The following PHF20 variants were observed in gnomAD, a reference collection of about 807,000 sequenced individuals.
The protein encoded by PHF20 is PHD finger protein 20.
In PHF20, 23 loss-of-function variants were observed where a neutral mutation model predicts 113.5. The ratio of observed to expected loss-of-function variants is 0.20; its 90% confidence interval spans 0.15 to 0.29. The LOEUF (loss-of-function observed/expected upper bound fraction) is 0.29, where lower values mean the gene tolerates loss of function less well. Among genes scored for constraint, PHF20 ranks in the 10% least tolerant of loss-of-function variants. The pLI is 1.00. For missense variants in PHF20, 943 were observed against 1,219.6 expected (o/e 0.77, Z 3.38); for synonymous variants, 434 against 457.3 (o/e 0.95, Z 0.65).
intron 2 of PHF20, among the ~76,000 whole-genome samples, chr20:35,822,824 T>A (rs1296597034): frequency 1.6e-5 from 2 of 122,536 alleles, no homozygotes; most frequent in Admixed American, 1.1e-4. Context: ...GGTCACAGGG[T>A]CACAGAGCAA....
chr20:35,865,165 C>T (rs780695248), intron 6 of PHF20, among the ~76,000 whole-genome samples: 7 of 152,018 alleles, frequency 4.6e-5, no homozygotes, highest in Non-Finnish European at 1.0e-4. Flanking sequence ...TGCATTCCAG[C>T]TTGGGCGACA....
intron 9 of PHF20, 66 bp downstream of exon 9, chr20:35,871,895 A>C: frequency 8.8e-7 from 1 of 1,142,378 alleles, no homozygotes; most frequent in Non-Finnish European, 1.2e-6. Flanking sequence ...TGTGAACTAA[A>C]AAAAAAAAAA....
chr20:35,944,654 C>T (rs1044066109), intron 17 of PHF20, among the ~76,000 whole-genome samples: 2 of 152,144 alleles, frequency 1.3e-5, no homozygotes, highest in African/African-American at 4.8e-5. Flanking sequence ...TTACTGAAGC[C>T]TCTGCCTCCC....
rs542614210 is a variant in PHF20 at position 35,792,400 on chromosome 20, G to A, written c.-32-9091G>A. 9.2e-5 allele frequency among the ~76,000 whole-genome samples: 14 copies of A among 151,930 alleles called. No homozygotes were observed. The East Asian group carries it at 2.7e-3, about 29-fold the overall frequency. ...GACGGGGTTTCACCATGTTGGCCAGGCTGGTCTCAAACTACTGAACTCTGG... is the reference window on the plus strand; with the variant it reads ...GACGGGGTTTCACCATGTTGGCCAGACTGGTCTCAAACTACTGAACTCTGG... On this transcript the variant is annotated intron_variant, in intron 1 of 17. Coordinates refer to ENST00000374012, the MANE Select transcript of PHF20 (RefSeq NM_016436.5).
chr20:35,891,358 CAG>C (rs1026760825), intron 9 of PHF20, among the ~76,000 whole-genome samples: 3 of 133,968 alleles, frequency 2.2e-5, no homozygotes, highest in African/African-American at 8.7e-5. Context: ...GCCTGGGCGA[CAG>C]AGAGAGACTC....
intron 4 of PHF20, among the ~76,000 whole-genome samples, chr20:35,849,840 C>T (rs1276454158): frequency 1.3e-5 from 2 of 152,102 alleles, no homozygotes; most frequent in East Asian, 1.9e-4. Flanking sequence ...GAAGTCATGC[C>T]TTGTAGATTT....
In PHF20 at chr20:35,780,849, C is replaced by CTTTTTT. The variant is rs61173937; in HGVS notation, c.-33+8787_-33+8792dup. 2.2e-4 allele frequency among the ~76,000 whole-genome samples: 22 copies of CTTTTTT among 98,240 alleles called. No homozygotes were observed. The East Asian group carries it at 2.4e-3, about 11-fold the overall frequency. 64.4% of individuals were successfully genotyped at this position (98,240 alleles called of 152,430 possible). A position where few individuals can be genotyped will look rare whatever the true frequency, so the allele number is the denominator to read the frequency against. On this transcript the variant is annotated intron_variant, in intron 1 of 17. Transcript: ENST00000374012. ...AGACATGAGCCACTGGTGCCTGGCC[C>CTTTTTT]TTTTTTTTTTTTTTTTTTTTTTGAG...
Position 35,899,378 on chromosome 20 carries a change from A to C in PHF20, c.1291A>C (p.Thr431Pro). The change falls in exon 10 of 18, where the codon ACT becomes CCT. Residue 431 changes from threonine (T) to proline (P), a missense_variant. Thr to Pro is a conservative substitution (Grantham distance 38, BLOSUM62 -1). This residue lies in a region of PHF20 where 592 missense variants were observed against 787.2 expected (regional missense o/e 0.75). Coordinates refer to ENST00000374012, the MANE Select transcript of PHF20 (RefSeq NM_016436.5). ...GTTTTTATTTTTTTCAGTAACAAATACTTTTAAGAAAACAGATGATTTTGG... is the reference window on the plus strand; with the variant it reads ...GTTTTTATTTTTTTCAGTAACAAATCCTTTTAAGAAAACAGATGATTTTGG... ...QEISTVEVTN[T>P]FKKTDDFGSS... is the part of the protein sequence containing the mutation. 1 of 1,602,380 alleles carries C rather than the reference A, an allele frequency of 6.2e-7. No individual in the cohort carries two copies. The highest frequency in any genetic ancestry group is 8.5e-7 in the Non-Finnish European group (1 of 1,173,552).
chr20:35,816,849 T>G (rs1392984056), intron 2 of PHF20, among the ~76,000 whole-genome samples: 3 of 151,292 alleles, frequency 2.0e-5, no homozygotes, highest in African/African-American at 7.3e-5. Flanking sequence ...TCGAGTGCAG[T>G]GGTGCAATTT....
In PHF20 at chr20:35,894,276, C is replaced by T. The variant is rs117285644; in HGVS notation, c.1283-5094C>T. Among the ~76,000 whole-genome samples, 1,286 of 152,312 alleles carry T rather than the reference C, an allele frequency of 8.4e-3. 10 individuals carry two copies. The highest frequency in any genetic ancestry group is 0.013 in the Non-Finnish European group (912 of 68,030). On this transcript the variant is annotated intron_variant, in intron 9 of 17. Coordinates refer to ENST00000374012, the MANE Select transcript of PHF20 (RefSeq NM_016436.5). The stretch of plus-strand genomic sequence containing the variant: ...ATGTTCCAGAAATAACATAAGCCTG[C>T]TTATGATGTATTTTATATTTGAAAT...
chr20:35,930,229 C>T (rs993350930), intron 14 of PHF20, among the ~76,000 whole-genome samples: 2 of 152,160 alleles, frequency 1.3e-5, no homozygotes, highest in African/African-American at 4.8e-5. Context: ...AGGCATCTTT[C>T]CATTCATTTG....
intron 14 of PHF20, 50 bp from the exon 15 acceptor site, chr20:35,931,199 C>A: frequency 7.5e-7 from 1 of 1,340,978 alleles, no homozygotes; most frequent in Non-Finnish European, 1.1e-6. Context: ...ATGAAATGGC[C>A]TGGGTTTCCT....
chr20:35,882,834 C>A (rs1042495473), intron 9 of PHF20, among the ~76,000 whole-genome samples: 3 of 152,082 alleles, frequency 2.0e-5, no homozygotes, highest in Non-Finnish European at 2.9e-5. Flanking sequence ...GGAGACCAGC[C>A]TGGACAACAT....
At chr20:35,861,151 G>A (rs1172911085) in intron 5 of PHF20, among the ~76,000 whole-genome samples, 1 of 142,170 alleles carries the variant, frequency 7.0e-6, no homozygotes, top group East Asian at 2.0e-4. Flanking sequence ...AATAGATTGA[G>A]TTTTTTTTTT....
intron 2 of PHF20, 38 bp downstream of exon 2, chr20:35,801,643 T>C: frequency 7.0e-7 from 1 of 1,438,476 alleles, no homozygotes; most frequent in Non-Finnish European, 9.8e-7. Flanking sequence ...AGCCCTTCAG[T>C]AAAGGATTTT....
rs571408539 is a variant in PHF20, at chr20:35,808,833, A to G, written c.83+7228A>G. 1.2e-3 allele frequency among the ~76,000 whole-genome samples: 181 copies of G among 151,290 alleles called. No homozygotes were observed. The Middle Eastern group carries it at 0.014, about 12-fold the overall frequency. On this transcript the variant is annotated intron_variant, in intron 2 of 17. Transcript: ENST00000374012. ...GTGATCTGCTCGCCTCGGCCTCCCA[A>G]CGTGCTGGGATTACAGGCGTGAGCC...
At chr20:35,933,688 C>A (rs367982482) in intron 15 of PHF20, among the ~76,000 whole-genome samples, 1 of 152,078 alleles carries the variant, frequency 6.6e-6, no homozygotes, top group African/African-American at 2.4e-5. Flanking sequence ...TGAGCCACTG[C>A]GCCTGGCCTA....
chr20:35,826,703 C>T (rs1306516462), intron 2 of PHF20, among the ~76,000 whole-genome samples: 2 of 152,116 alleles, frequency 1.3e-5, no homozygotes, highest in South Asian at 2.1e-4. Context: ...TGTTTTGATC[C>T]TTCTTAGTAA....
chr20:35,798,516 G>A (rs996546248), intron 1 of PHF20, among the ~76,000 whole-genome samples: 8 of 151,260 alleles, frequency 5.3e-5, no homozygotes, highest in African/African-American at 1.9e-4. Flanking sequence ...ATGTAATGGT[G>A]CGATCTTGGC....
Sources: gnomAD v4.1 joint callset for allele counts (sites outside exome capture counted in the v4.1 genomes callset) on GRCh38, gnomAD v4.1.1 for gene constraint, gnomAD v4.1.1 regional missense constraint, MANE v1.5 for transcripts, NCBI Gene and HGNC (gene_info 2026-07-23, HGNC 2026-07-21) for gene names.